Variants in DAB1 observed in about 807,000 individuals in gnomAD.
DAB1 encodes the protein disabled homolog 1.
Under a neutral mutation model 64.6 loss-of-function variants are expected in DAB1, and 15 were observed. The ratio of observed to expected loss-of-function variants is 0.23; its 90% CI spans 0.16 to 0.36. The LOEUF is 0.36. Ranked by LOEUF, DAB1 falls within the 10% of genes least tolerant of loss-of-function variation. The pLI is 1.00. For synonymous variants in DAB1, 235 were observed against 251.9 expected, an observed-to-expected ratio of 0.93 and a Z score of 0.64; for missense variants, 596 against 706.7, an observed-to-expected ratio of 0.84 and a Z score of 1.78.
intron 7 of DAB1, among the ~76,000 whole-genome samples, chr1:57,435,038 CTTTTTTTCTTTTTTTTTT>C (rs1685641030): frequency 7.7e-6 from 1 of 130,610 alleles, no homozygotes; most frequent in African/African-American, 2.9e-5. Flanking sequence ...TTTTTCTTTT[CTTTTTTTCTTTTTTTTTT>C]TTTTTTTTTT....
At chr1:58,392,549 CT>C (rs1644484085) in intron 3 of DAB1, among the ~76,000 whole-genome samples, 1 of 152,196 alleles carries the variant, frequency 6.6e-6, no homozygotes, top group South Asian at 2.1e-4. Context: ...TGGTTCTGTT[CT>C]ATCTGTCCAG....
At chr1:57,206,233 A>G (rs1665525733) in intron 2 of DAB1, among the ~76,000 whole-genome samples, 1 of 152,154 alleles carries the variant, frequency 6.6e-6, no homozygotes, top group East Asian at 1.9e-4. Flanking sequence ...GGCAGGGAGA[A>G]AAGGAGGGAG....
chr1:58,208,877 T>A (rs527267674), intron 4 of DAB1, among the ~76,000 whole-genome samples: 2 of 152,296 alleles, frequency 1.3e-5, no homozygotes, highest in South Asian at 4.1e-4. Context: ...TTAAAACTTA[T>A]TTTCTTAAAC....
chr1:57,921,259 C>A (rs552666399), intron 5 of DAB1, among the ~76,000 whole-genome samples: 2 of 152,078 alleles, frequency 1.3e-5, no homozygotes, highest in Non-Finnish European at 2.9e-5. Flanking sequence ...AACCCATGCA[C>A]GTGTATATTC....
rs1018440600 is a variant in DAB1, at chr1:57,990,256, T to G, written n.388-106094A>C. On this transcript the variant is annotated intron_variant and non_coding_transcript_variant, in intron 5 of 20. Coordinates refer to the DAB1 transcript ENST00000485760. Reference sequence around the variant, plus strand: ...CTTATTAAACACTTACTACTGCATATGCCACTATGAGGTAGACTTACAGAG... The same window carrying G: ...CTTATTAAACACTTACTACTGCATAGGCCACTATGAGGTAGACTTACAGAG... 3.9e-5 allele frequency among the ~76,000 whole-genome samples: 6 copies of G among 152,198 alleles called. 1 individual carries two copies. Among genetic ancestry groups the G allele is most frequent in the African/African-American group, 1.4e-4 (6 of 41,450 alleles).
At chr1:58,281,201 G>C (rs1157139139) in intron 4 of DAB1, among the ~76,000 whole-genome samples, 2 of 152,190 alleles carry the variant, frequency 1.3e-5, no homozygotes, top group Admixed American at 1.3e-4. Flanking sequence ...TTTTATTTCT[G>C]ACTTTTGATG....
intron 1 of DAB1, among the ~76,000 whole-genome samples, chr1:57,356,510 T>C (rs1220467127): frequency 2.0e-5 from 3 of 152,046 alleles, no homozygotes; most frequent in African/African-American, 7.2e-5. Context: ...AACTGGGTCT[T>C]GGTCATCCAG....
intron 3 of DAB1, among the ~76,000 whole-genome samples, chr1:58,496,735 T>TA (rs1439780166): frequency 6.6e-6 from 1 of 152,228 alleles, no homozygotes; most frequent in African/African-American, 2.4e-5. Context: ...AAGTCTCTCT[T>TA]ACCTACCTCT....
intron 1 of DAB1, among the ~76,000 whole-genome samples, chr1:57,840,941 C>T (rs1557510806): frequency 6.6e-6 from 1 of 152,194 alleles, no homozygotes; most frequent in African/African-American, 2.4e-5. Flanking sequence ...CCCTCAAAGT[C>T]TTAACTCATT....
chr1:57,665,487 T>C (rs1209317741), intron 6 of DAB1, among the ~76,000 whole-genome samples: 1 of 152,152 alleles, frequency 6.6e-6, no homozygotes, highest in Non-Finnish European at 1.5e-5. Context: ...ACTGACTAAA[T>C]AATTTTACTT....
At chr1:57,207,888 G>A (rs1013775103) in intron 2 of DAB1, among the ~76,000 whole-genome samples, 1 of 152,150 alleles carries the variant, frequency 6.6e-6, no homozygotes, top group African/African-American at 2.4e-5. Flanking sequence ...TTCAAAACAA[G>A]TTGATGGCTG....
chr1:57,683,514 C>G (rs929627079), intron 6 of DAB1, among the ~76,000 whole-genome samples: 2 of 152,188 alleles, frequency 1.3e-5, no homozygotes, highest in Non-Finnish European at 2.9e-5. Flanking sequence ...GCAGCCCAAA[C>G]TACAACACCA....
chr1:57,778,044 C>T (rs1295687818), intron 6 of DAB1, among the ~76,000 whole-genome samples: 1 of 152,028 alleles, frequency 6.6e-6, no homozygotes, highest in Non-Finnish European at 1.5e-5. Context: ...ATTGAAATAT[C>T]CCTCCTCTTG....
At chr1:57,916,049 A>G (rs1432375583) in intron 5 of DAB1, among the ~76,000 whole-genome samples, 1 of 152,020 alleles carries the variant, frequency 6.6e-6, no homozygotes, top group Admixed American at 6.5e-5. Flanking sequence ...TTGTGCCAAG[A>G]CCCCGGGTCT....
intron 5 of DAB1, among the ~76,000 whole-genome samples, chr1:58,043,827 A>G (rs1260709470): frequency 6.6e-6 from 1 of 152,138 alleles, no homozygotes; most frequent in Non-Finnish European, 1.5e-5. Context: ...TCCCAGGTTC[A>G]AGCGATTCTT....
intron 3 of DAB1, among the ~76,000 whole-genome samples, chr1:58,490,251 C>A (rs1025538657): frequency 6.6e-6 from 1 of 152,086 alleles, no homozygotes; most frequent in Non-Finnish European, 1.5e-5. Context: ...CCTTAAAGGA[C>A]CTGATGGAGC....
chr1:58,475,458 G>A (rs1645409289), intron 3 of DAB1, among the ~76,000 whole-genome samples: 1 of 150,438 alleles, frequency 6.6e-6, no homozygotes, highest in South Asian at 2.1e-4. Context: ...CACTGTGCCT[G>A]GCTGAATTAG....
rs1357395053 is a variant in DAB1 at position 57,407,426 on chromosome 1, G to C, written c.-137+16504C>G. 2.0e-5 allele frequency among the ~76,000 whole-genome samples: 3 copies of C among 152,340 alleles called. No homozygotes were observed. The East Asian group carries it at 5.8e-4, about 29-fold the overall frequency. On this transcript the variant is annotated intron_variant, in intron 1 of 14. Coordinates refer to ENST00000371236, the MANE Select transcript of DAB1 (RefSeq NM_001365792.1). ...ACTACTGAATTCTCTTTACTATCCT[G>C]AGGCATGTCCTTTACAAAGGGAAGA...
In DAB1 at chr1:58,479,478, C is replaced by T. The variant is rs532156295; in HGVS notation, n.257+26582G>A. 3.0e-4 allele frequency among the ~76,000 whole-genome samples: 45 copies of T among 152,294 alleles called. No individual in the cohort carries two copies. In the South Asian group the frequency reaches 3.3e-3, roughly 11 times the overall value. ...CCAAGAAGATTTAATAATGTCAGGA[C>T]ACATCCCAAATGAGATTTCACAGGC... On this transcript the variant is annotated intron_variant and non_coding_transcript_variant, in intron 3 of 20. Coordinates refer to the DAB1 transcript ENST00000485760.
Sources: allele counts gnomAD v4.1 joint callset (sites outside exome capture counted in the v4.1 genomes callset), GRCh38; gene constraint gnomAD v4.1.1; transcripts MANE v1.5; gene names NCBI Gene and HGNC (gene_info 2026-07-23, HGNC 2026-07-21).